Variants in THADA observed in about 807,000 individuals in gnomAD.
THADA encodes tRNA (32-2'-O)-methyltransferase regulator THADA.
In THADA, 213 loss-of-function variants were observed where a neutral mutation model predicts 219.8. The observed-to-expected ratio is 0.97, with a 90% CI of 0.87 to 1.09. THADA has a LOEUF of 1.09. Among genes scored for constraint, THADA ranks in the 50% least tolerant of loss-of-function variants. The probability of loss-of-function intolerance (pLI) is 0.00; values close to 1 mark genes in which losing one functional copy is unlikely to be tolerated. For missense variants in THADA, 2,956 were observed against 2,311.3 expected, an observed-to-expected ratio of 1.28 and a Z score of -5.72; for synonymous variants, 1,018 against 828.9, an observed-to-expected ratio of 1.23 and a Z score of -3.92.
intron 7 of THADA, among the ~76,000 whole-genome samples, chr2:43,584,168 C>A (rs963090701): frequency 6.6e-6 from 1 of 151,660 alleles, no homozygotes; most frequent in African/African-American, 2.4e-5. Context: ...ATAGAGGTTA[C>A]CTGGGGCTAC....
intron 26 of THADA, among the ~76,000 whole-genome samples, chr2:43,445,012 T>TG (rs1298068089): frequency 6.6e-6 from 1 of 152,144 alleles, no homozygotes; most frequent in Non-Finnish European, 1.5e-5. Context: ...GGCCAAAGCC[T>TG]GGGGGTTTTC....
chr2:43,571,606 C>T (rs952817365), intron 13 of THADA, 101 bp downstream of exon 13: 2 of 1,183,756 alleles, frequency 1.7e-6, no homozygotes, highest in African/African-American at 3.1e-5. Flanking sequence ...AGCCCAATTC[C>T]ATGACCATTC....
chr2:43,460,517 GTCTTTAGAGAC>G (rs1479626522), intron 26 of THADA, among the ~76,000 whole-genome samples: 1 of 152,150 alleles, frequency 6.6e-6, no homozygotes, highest in Non-Finnish European at 1.5e-5. Flanking sequence ...ATAGCTCGCT[GTCTTTAGAGAC>G]TGCAAAGACA....
At chr2:43,552,017 A>C in intron 18 of THADA, 92 bp from the exon 19 acceptor site, 1 of 1,562,186 alleles carries the variant, frequency 6.4e-7, no homozygotes. Context: ...TTGTGTTTCA[A>C]AATTGTTCAA....
intron 30 of THADA, 146 bp downstream of exon 30, chr2:43,343,976 C>A: frequency 1.7e-6 from 1 of 579,132 alleles, no homozygotes; most frequent in Non-Finnish European, 3.0e-6. Context: ...TTTACCACAA[C>A]CCAAAGTTCT....
intron 4 of THADA, 43 bp downstream of exon 4, chr2:43,590,781 T>C (rs748477323): frequency 5.0e-6 from 8 of 1,599,754 alleles, no homozygotes; most frequent in South Asian, 1.1e-5. Flanking sequence ...TTTGGTCAAA[T>C]TCAACATTTA....
At chr2:43,361,661 G>A (rs1387254473) in intron 29 of THADA, among the ~76,000 whole-genome samples, 1 of 152,198 alleles carries the variant, frequency 6.6e-6, no homozygotes, top group African/African-American at 2.4e-5. Context: ...GTGGTCTGTG[G>A]TGATTGTCCC....
intron 36 of THADA, among the ~76,000 whole-genome samples, chr2:43,267,765 C>T (rs1050158254): frequency 1.3e-5 from 2 of 152,254 alleles, no homozygotes; most frequent in South Asian, 2.1e-4. Flanking sequence ...CCTAATCATA[C>T]GGACCATCAC....
At chr2:43,403,785 T>C (rs1675172917) in intron 28 of THADA, among the ~76,000 whole-genome samples, 1 of 152,030 alleles carries the variant, frequency 6.6e-6, no homozygotes, top group African/African-American at 2.4e-5. Context: ...TCAGAGCTGG[T>C]ATGAGTTCAA....
In THADA at chr2:43,283,276, G is replaced by C. The variant is rs187261132; in HGVS notation, c.5165-3380C>G. Among the ~76,000 whole-genome samples the C allele has an allele frequency of 2.3e-3, 353 of 152,340 alleles. 2 individuals are homozygous for C. Among genetic ancestry groups the C allele is most frequent in the Middle Eastern group, 3.4e-3 (1 of 294 alleles). ...TTGATGAATTACCCAGTCTCAGATA[G>C]TTCTATATAGGAGTGTGAGAATGGA... is the stretch of plus-strand genomic sequence containing the variant. On this transcript the variant is annotated intron_variant, in intron 35 of 37. Transcript: ENST00000405975.
chr2:43,248,878 T>C (rs1669534898), intron 36 of THADA, among the ~76,000 whole-genome samples: 1 of 152,190 alleles, frequency 6.6e-6, no homozygotes, highest in Non-Finnish European at 1.5e-5. Flanking sequence ...TGGAGCTCTC[T>C]GGAACTCTGA....
rs111447785 is a variant in THADA, at chr2:43,330,412, C to T, written c.4344-9872G>A. Reference sequence around the variant, plus strand: ...GCCTCTCTCCAAGATGCTCCCTTGGCCCATTCATGTAAGACCAGCTCATGC... The same window carrying T: ...GCCTCTCTCCAAGATGCTCCCTTGGTCCATTCATGTAAGACCAGCTCATGC... On this transcript the variant is annotated intron_variant, in intron 30 of 37. Coordinates refer to ENST00000405975, the MANE Select transcript of THADA (RefSeq NM_022065.5). 3.4e-4 allele frequency among the ~76,000 whole-genome samples: 52 copies of T among 152,296 alleles called. 1 individual carries two copies. Among genetic ancestry groups the T allele is most frequent in the African/African-American group, 1.2e-3 (51 of 41,566 alleles).
chr2:43,502,644 T>C (rs1235728320), intron 24 of THADA, among the ~76,000 whole-genome samples: 1 of 151,236 alleles, frequency 6.6e-6, no homozygotes, highest in African/African-American at 2.4e-5. Flanking sequence ...ATAAAATGTC[T>C]TTCCCATCTT....
intron 36 of THADA, among the ~76,000 whole-genome samples, chr2:43,261,993 A>G (rs1397899444): frequency 6.6e-6 from 1 of 152,092 alleles, no homozygotes; most frequent in Admixed American, 6.6e-5. Context: ...GCTGGTCTTG[A>G]ACTCCTGACC....
At chr2:43,341,106 A>G (rs1192283602) in intron 30 of THADA, among the ~76,000 whole-genome samples, 1 of 152,214 alleles carries the variant, frequency 6.6e-6, no homozygotes, top group Non-Finnish European at 1.5e-5. Context: ...TCAGGCTCTG[A>G]ACACATTCTG....
intron 20 of THADA, among the ~76,000 whole-genome samples, chr2:43,546,779 G>T (rs1282446139): frequency 1.3e-5 from 2 of 152,048 alleles, no homozygotes; most frequent in Non-Finnish European, 2.9e-5. Context: ...CACATGAGAT[G>T]GGTTTCCTGA....
intron 26 of THADA, among the ~76,000 whole-genome samples, chr2:43,462,743 C>T (rs1306968596): frequency 1.3e-5 from 2 of 152,140 alleles, no homozygotes; most frequent in Non-Finnish European, 1.5e-5. Context: ...ATTTGGCTTT[C>T]CGTTCTCCCT....
intron 29 of THADA, among the ~76,000 whole-genome samples, chr2:43,365,064 T>C (rs1669972642): frequency 6.6e-6 from 1 of 151,734 alleles, no homozygotes; most frequent in Admixed American, 6.6e-5. Flanking sequence ...TAGCTGGGAT[T>C]ACAGGCATGC....
At chr2:43,569,025 G>A (rs766479983) in intron 14 of THADA, among the ~76,000 whole-genome samples, 2 of 152,092 alleles carry the variant, frequency 1.3e-5, no homozygotes, top group Non-Finnish European at 2.9e-5. Flanking sequence ...AGGATGGAGT[G>A]CAGTGCTACA....
Sources: gnomAD v4.1 joint callset for allele counts (sites outside exome capture counted in the v4.1 genomes callset) on GRCh38, gnomAD v4.1.1 for gene constraint, MANE v1.5 for transcripts, NCBI Gene and HGNC (gene_info 2026-07-23, HGNC 2026-07-21) for gene names.